Variants in MYOF observed in about 807,000 individuals in gnomAD.
The protein encoded by MYOF is fer-1-like 3, myoferlin.
In MYOF, 244 loss-of-function variants were observed where a neutral mutation model predicts 284.2. That is an observed-to-expected ratio of 0.86 (90% CI 0.77 to 0.95). The LOEUF is 0.95. Ranked by LOEUF, MYOF falls within the 40% of genes least tolerant of loss-of-function variation. The probability of loss-of-function intolerance (pLI) is 0.00; values close to 1 mark genes in which losing one functional copy is unlikely to be tolerated. For missense variants in MYOF, 2,496 were observed against 2,560.6 expected, an observed-to-expected ratio of 0.97 and a Z score of 0.54; for synonymous variants, 904 against 919.7, an observed-to-expected ratio of 0.98 and a Z score of 0.31.
At chr10:93,338,196 A>G in intron 39 of MYOF, 1 of 495,312 alleles carries the variant, frequency 2.0e-6, no homozygotes, top group South Asian at 2.0e-5. Flanking sequence ...ACAGTCTATT[A>G]ATTTGTTGGT....
intron 38 of MYOF, among the ~76,000 whole-genome samples, chr10:93,341,362 G>A (rs1843901524): frequency 6.6e-6 from 1 of 150,762 alleles, no homozygotes. Context: ...TGCAACCTCC[G>A]CCTCCCAGGT....
At position 93,351,298 on chromosome 10, in the gene MYOF, G is replaced by A. The variant is rs763306479; in HGVS notation, c.3823-3C>T. On this transcript the variant is annotated splice_region_variant and splice_polypyrimidine_tract_variant and intron_variant, in intron 34 of 53. Transcript: ENST00000359263. ...AGAATGGGAAGGTTGGAGCCATCCT[G>A]TGAAACAAACATGGATATGTCAATG... The A allele has an allele frequency of 3.7e-6, 6 of 1,611,726 alleles. No homozygotes were observed. The African/African-American group carries it at 5.3e-5, about 14-fold the overall frequency.
intron 22 of MYOF, 102 bp downstream of exon 22, chr10:93,377,221 C>T: frequency 1.2e-6 from 1 of 867,376 alleles, no homozygotes. Flanking sequence ...AAAATCACTT[C>T]TTAGACAAAC....
At chr10:93,425,764 G>C in intron 5 of MYOF, 1 of 401,632 alleles carries the variant, frequency 2.5e-6, no homozygotes, top group Admixed American at 3.8e-5. Context: ...CACTGTATGG[G>C]GTGGAAGCCA....
At chr10:93,384,933 G>A (rs975318979) in intron 19 of MYOF, among the ~76,000 whole-genome samples, 4 of 152,184 alleles carry the variant, frequency 2.6e-5, no homozygotes, top group Non-Finnish European at 4.4e-5. Context: ...TGCCACCTTC[G>A]GTATGTCTAC....
chr10:93,328,720 A>G, intron 45 of MYOF, 43 bp downstream of exon 45: 1 of 1,581,038 alleles, frequency 6.3e-7, no homozygotes, highest in Non-Finnish European at 8.7e-7. Context: ...TATATGGGTT[A>G]CTATACTTTG....
chr10:93,422,796 A>G (rs914969940), intron 5 of MYOF, among the ~76,000 whole-genome samples: 6 of 152,106 alleles, frequency 3.9e-5, no homozygotes, highest in Non-Finnish European at 8.8e-5. Context: ...ATTCCATCTC[A>G]AAAAAATAAA....
rs371321885 is a variant in MYOF at position 93,347,823 on chromosome 10, C to T, written c.4084-41G>A. 3.2e-6 allele frequency: 5 copies of T among 1,581,798 alleles called. No individual in the cohort carries two copies. The South Asian group carries it at 4.6e-5, about 14-fold the overall frequency. ...GTAGGTTTCATTTCTCAAGACCAGA[C>T]GAGGGCAGCTTTGAGAAAAATTCCC... On this transcript the variant is annotated intron_variant, in intron 36 of 53. Transcript: ENST00000359263.
At position 93,477,253 on chromosome 10, in the gene MYOF, A is replaced by G. The variant is rs2057283208; in HGVS notation, c.88+4854T>C. ...ATGCCTGTAATCTCAGCACTTTGGGAGGCCGAGGCGGGTGGATCACCTGAG... is the reference window on the plus strand; with the variant it reads ...ATGCCTGTAATCTCAGCACTTTGGGGGGCCGAGGCGGGTGGATCACCTGAG... On this transcript the variant is annotated intron_variant, in intron 1 of 53. Transcript: ENST00000359263. 2.6e-5 allele frequency among the ~76,000 whole-genome samples: 4 copies of G among 152,164 alleles called. No individual in the cohort carries two copies. The South Asian group carries it at 8.3e-4, about 32-fold the overall frequency.
intron 51 of MYOF, among the ~76,000 whole-genome samples, chr10:93,311,469 A>AT (rs1393613782): frequency 1.3e-5 from 2 of 151,418 alleles, no homozygotes; most frequent in Non-Finnish European, 2.9e-5. Flanking sequence ...AAAAAAAAAA[A>AT]AAATTAGCCA....
At position 93,374,856 on chromosome 10, in the gene MYOF, C is replaced by A. The variant is rs763112979; in HGVS notation, c.2208G>T (p.Ala736=). Residue 736 remains alanine (A), a synonymous_variant, in exon 23 of 54, where the codon GCG becomes GCT. Transcript: ENST00000359263. ...TGGCTTCCGACCTCATCCTCACAGC[C>A]GCCTCATGTATTTGGGAGAGAGACC... ...RSRSLSQIHE[A]AVRMRSEATD... 2 of 1,614,018 alleles carry A rather than the reference C, an allele frequency of 1.2e-6. No individual in the cohort carries two copies. Among genetic ancestry groups the A allele is most frequent in the African/African-American group, 2.7e-5 (2 of 74,914 alleles).
intron 1 of MYOF, among the ~76,000 whole-genome samples, chr10:93,464,808 C>T (rs768918842): frequency 6.6e-5 from 10 of 152,186 alleles, no homozygotes; most frequent in Admixed American, 1.3e-4. Flanking sequence ...AGTAACTCAG[C>T]TCTTCGGTAG....
chr10:93,353,734 A>G (rs787625), intron 32 of MYOF, 77 bp downstream of exon 32: 449,747 of 1,200,024 alleles, frequency 0.37, 89,565 homozygotes, highest in Non-Finnish European at 0.41. Flanking sequence ...AAATGACAAA[A>G]AGCATTCACT....
At chr10:93,400,241 C>G (rs1421877569) in intron 12 of MYOF, among the ~76,000 whole-genome samples, 2 of 151,678 alleles carry the variant, frequency 1.3e-5, no homozygotes, top group Non-Finnish European at 2.9e-5. Flanking sequence ...ATTTAATCAA[C>G]TACAATCTAT....
intron 1 of MYOF, among the ~76,000 whole-genome samples, chr10:93,459,166 C>G (rs903893897): frequency 3.3e-5 from 5 of 152,194 alleles, no homozygotes; most frequent in African/African-American, 9.6e-5. Flanking sequence ...ACTCTGAGGT[C>G]CCCTAGACGC....
intron 38 of MYOF, among the ~76,000 whole-genome samples, chr10:93,342,636 T>A (rs1056591949): frequency 2.6e-5 from 4 of 152,230 alleles, no homozygotes; most frequent in Admixed American, 2.6e-4. Flanking sequence ...AATACTGGCA[T>A]AGCTTGTTGA....
At chr10:93,335,081 A>T (rs1467274918) in intron 41 of MYOF, among the ~76,000 whole-genome samples, 3 of 152,222 alleles carry the variant, frequency 2.0e-5, no homozygotes. Flanking sequence ...CCAGAGCAGG[A>T]GTGAGTCACG....
chr10:93,477,635 C>T (rs920165031), intron 1 of MYOF, among the ~76,000 whole-genome samples: 14 of 150,122 alleles, frequency 9.3e-5, no homozygotes, highest in African/African-American at 2.9e-4. Context: ...GATCATGAGG[C>T]CAGGAGTTCA....
rs116606758 is a variant in MYOF, at chr10:93,411,102, A to G, written c.434-1363T>C. On this transcript the variant is annotated intron_variant, in intron 5 of 53. Coordinates refer to ENST00000359263, the MANE Select transcript of MYOF (RefSeq NM_013451.4). ...CGAAGCCTTTAGCACAGTATCTGGC[A>G]TACAGAAGCACCCAATAAATTAACT... 4.3e-3 allele frequency among the ~76,000 whole-genome samples: 655 copies of G among 152,408 alleles called. 7 individuals are homozygous for G. The highest frequency in any genetic ancestry group is 0.015 in the African/African-American group (614 of 41,600).
Sources: allele counts gnomAD v4.1 joint callset (sites outside exome capture counted in the v4.1 genomes callset), GRCh38; gene constraint gnomAD v4.1.1; transcripts MANE v1.5; gene names NCBI Gene and HGNC (gene_info 2026-07-23, HGNC 2026-07-21).